Variants in CFI observed in about 807,000 individuals in gnomAD.
CFI encodes the protein C3B/C4B inactivator.
Under a neutral mutation model 78.8 loss-of-function variants are expected in CFI, and 66 were observed. The observed-to-expected ratio is 0.84, with a 90% CI of 0.69 to 1.03. The LOEUF (loss-of-function observed/expected upper bound fraction) is 1.03, where lower values mean the gene tolerates loss of function less well. CFI is among the 50% of genes least tolerant of loss of function. CFI has a pLI of 0.00. For missense variants in CFI, 706 were observed against 704.5 expected (o/e 1.00, Z -0.02); for synonymous variants, 250 against 232.6 (o/e 1.07, Z -0.68).
chr4:109,762,189 TAAAAA>T (rs10634105), intron 3 of CFI: 1 of 115,336 alleles, frequency 8.7e-6, no homozygotes, highest in African/African-American at 3.5e-5. Context: ...AGACTCTGTC[TAAAAA>T]AAAAAAAAAA....
intron 12 of CFI, among the ~76,000 whole-genome samples, chr4:109,741,606 C>A (rs1333322699): frequency 2.0e-5 from 3 of 152,224 alleles, no homozygotes; most frequent in Non-Finnish European, 4.4e-5. Context: ...TGAACCCAGG[C>A]AACCACACCT....
chr4:109,757,823 T>TTTTAA lies in CFI; in HGVS notation c.884-41_884-40insTTAAA, dbSNP rs146158558. On this transcript the variant is annotated intron_variant, in intron 6 of 12. Coordinates refer to ENST00000394634, the MANE Select transcript of CFI (RefSeq NM_000204.5). Reference sequence around the variant, plus strand: ...AACAAAAAATTTATCAAAGGATAATTTTTGGAAAAAATGCACACTATAGCA... The same window carrying TTTTAA: ...AACAAAAAATTTATCAAAGGATAATTTTTAATTTGGAAAAAATGCACACTATAGCA... 0.99 allele frequency: 1,420,408 copies of TTTTAA among 1,429,338 alleles called. 706,275 individuals are homozygous for TTTTAA. Among genetic ancestry groups the TTTTAA allele is most frequent in the East Asian group, 1 (42,846 of 42,846 alleles). 88.5% of individuals were successfully genotyped at this position (1,429,338 alleles called of 1,614,324 possible).
At chr4:109,795,504 G>A (rs371194051) in intron 1 of CFI, among the ~76,000 whole-genome samples, 1 of 152,138 alleles carries the variant, frequency 6.6e-6, no homozygotes, top group East Asian at 1.9e-4. Context: ...GCTCCAATAA[G>A]TGACTCTAAA....
intron 6 of CFI, 198 bp from the exon 7 acceptor site, chr4:109,757,981 T>C: frequency 6.9e-7 from 1 of 1,452,970 alleles, no homozygotes; most frequent in Non-Finnish European, 9.1e-7. Flanking sequence ...AACAAAAAAC[T>C]CACTATAGCA....
At chr4:109,756,925 G>T (rs1335043673) in intron 7 of CFI, among the ~76,000 whole-genome samples, 1 of 142,102 alleles carries the variant, frequency 7.0e-6, no homozygotes, top group East Asian at 2.2e-4. Context: ...AAGAAAGAAA[G>T]AAAGAAAGAA....
intron 1 of CFI, among the ~76,000 whole-genome samples, chr4:109,787,170 A>C (rs1032623818): frequency 2.0e-5 from 3 of 152,116 alleles, no homozygotes; most frequent in Non-Finnish European, 2.9e-5. Context: ...GCATTAACCA[A>C]CTGGTACAAT....
chr4:109,732,682 CCT>C, the CFI span, among the ~76,000 whole-genome samples: 4 of 152,040 alleles, frequency 2.6e-5, no homozygotes, highest in South Asian at 6.3e-4. Flanking sequence ...ACGGTGAAAC[CCT>C]GTCTCTACTA....
intron 8 of CFI, among the ~76,000 whole-genome samples, chr4:109,752,030 A>G (rs1725206923): frequency 6.6e-6 from 1 of 152,216 alleles, no homozygotes; most frequent in African/African-American, 2.4e-5. Context: ...ACAACTGGCC[A>G]AGGTACAGAT....
intron 2 of CFI, 21 bp from the exon 3 acceptor site, chr4:109,764,711 A>G (rs1727518316): frequency 6.2e-7 from 1 of 1,606,106 alleles, no homozygotes; most frequent in Admixed American, 1.7e-5. Context: ...AAAACAAAAT[A>G]ATGTGCAATA....
intron 1 of CFI, among the ~76,000 whole-genome samples, chr4:109,772,725 G>T (rs137947698): frequency 6.6e-6 from 1 of 152,056 alleles, no homozygotes; most frequent in African/African-American, 2.4e-5. Flanking sequence ...ACAGACACAT[G>T]CTACCATGCC....
chr4:109,799,364 T>A (rs771048174), intron 1 of CFI, among the ~76,000 whole-genome samples: 1 of 152,214 alleles, frequency 6.6e-6, no homozygotes, highest in African/African-American at 2.4e-5. Context: ...AGGAAGGCCT[T>A]AGGATAGAAA....
chr4:109,788,080 A>G (rs1730967868), intron 1 of CFI, among the ~76,000 whole-genome samples: 1 of 152,036 alleles, frequency 6.6e-6, no homozygotes, highest in Admixed American at 6.6e-5. Flanking sequence ...CTGTGCCCCA[A>G]CATCAGTGCA....
chr4:109,770,656 GTC>G (rs1032951498), intron 1 of CFI, among the ~76,000 whole-genome samples: 9 of 131,224 alleles, frequency 6.9e-5, no homozygotes, highest in African/African-American at 2.4e-4. Context: ...AAAAAAGAAA[GTC>G]TCTGTCTCCT....
In CFI at chr4:109,749,315, G is replaced by A. The variant is rs778207739; in HGVS notation, c.1051C>T (p.Leu351Phe). Residue 351 changes from leucine (L) to phenylalanine (F), a missense_variant, in exon 10 of 13, where the codon CTC (leucine) becomes TTC (phenylalanine). Coordinates refer to ENST00000394634, the MANE Select transcript of CFI (RefSeq NM_000204.5). ...VGGKRAQLGD[L>F]PWQVAIKDAS... ...TCCTTAATTGCCACCTGCCATGGGA[G>A]GTCTCCCTGTAAAAGACATTTGTGT... is the stretch of plus-strand genomic sequence containing the variant. 1.2e-6 allele frequency: 2 copies of A among 1,613,660 alleles called. No individual in the cohort carries two copies. The highest frequency in any genetic ancestry group is 1.7e-6 in the Non-Finnish European group (2 of 1,179,740).
intron 1 of CFI, among the ~76,000 whole-genome samples, chr4:109,779,968 A>G (rs1354591042): frequency 6.7e-6 from 1 of 149,072 alleles, no homozygotes; most frequent in Non-Finnish European, 1.5e-5. Flanking sequence ...TATAAGGTGT[A>G]TATTTACACC....
At chr4:109,786,428 T>C (rs2125855972) in intron 1 of CFI, among the ~76,000 whole-genome samples, 1 of 152,236 alleles carries the variant, frequency 6.6e-6, no homozygotes, top group East Asian at 1.9e-4. Flanking sequence ...GAAACAATTT[T>C]AGATGGTCGT....
At chr4:109,789,840 G>A (rs1731166902) in intron 1 of CFI, among the ~76,000 whole-genome samples, 1 of 152,024 alleles carries the variant, frequency 6.6e-6, no homozygotes, top group Admixed American at 6.6e-5. Context: ...GGAATGCATA[G>A]GAAGTGTTCC....
At chr4:109,750,767 C>G (rs1335027314) in intron 8 of CFI, among the ~76,000 whole-genome samples, 1 of 152,094 alleles carries the variant, frequency 6.6e-6, no homozygotes, top group African/African-American at 2.4e-5. Context: ...TTTGGGCATA[C>G]CGAAAGGAGT....
rs1479376826 is a variant in CFI at position 109,752,984 on chromosome 4, A to T, written c.905-481T>A. Among the ~76,000 whole-genome samples, 12 of 109,112 alleles carry T rather than the reference A, an allele frequency of 1.1e-4. 1 individual carries two copies. The highest frequency in any genetic ancestry group is 5.0e-4 in the South Asian group (2 of 4,006). The allele number at this position is 109,112 out of a possible 152,430, so 71.6% of individuals were successfully genotyped here. On this transcript the variant is annotated intron_variant, in intron 7 of 12. Transcript: ENST00000394634. ...TTATTATATATTTATTATATGAATA[A>T]ATATTTATAATATATATTTATTATA...
Sources: allele counts gnomAD v4.1 joint callset (sites outside exome capture counted in the v4.1 genomes callset), GRCh38; gene constraint gnomAD v4.1.1; transcripts MANE v1.5; gene names NCBI Gene and HGNC (gene_info 2026-07-23, HGNC 2026-07-21).